The following ICA1L variants were observed in gnomAD, a reference collection of about 807,000 sequenced individuals.
ICA1L encodes the protein islet cell autoantigen 1 like.
In ICA1L, 50 loss-of-function variants were observed where a neutral mutation model predicts 61.3. The observed-to-expected ratio is 0.82, with a 90% CI of 0.65 to 1.03. The LOEUF is 1.03. Ranked by LOEUF, ICA1L falls within the 50% of genes least tolerant of loss-of-function variation. The probability of loss-of-function intolerance (pLI) is 0.00; values close to 1 mark genes in which losing one functional copy is unlikely to be tolerated. For missense variants in ICA1L, 508 were observed against 556.7 expected (o/e 0.91, Z 0.88); for synonymous variants, 161 against 191.3 (o/e 0.84, Z 1.31).
chr2:202,866,638 A>G (rs1687521847), intron 1 of ICA1L, among the ~76,000 whole-genome samples: 1 of 152,180 alleles, frequency 6.6e-6, no homozygotes. Context: ...ACAGACTTAA[A>G]TGTAAAATTT....
chr2:202,803,237 A>G (rs1398892206), intron 9 of ICA1L, among the ~76,000 whole-genome samples: 1 of 151,794 alleles, frequency 6.6e-6, no homozygotes, highest in Non-Finnish European at 1.5e-5. Context: ...GCCAGACCCC[A>G]TCACTACTAA....
chr2:202,793,494 TAAAAAAAAAAAAAAAAAAAA>T (rs755015399), intron 10 of ICA1L, among the ~76,000 whole-genome samples: 2 of 31,334 alleles, frequency 6.4e-5, no homozygotes, highest in African/African-American at 2.9e-4. Flanking sequence ...CCGTCTCTAC[TAAAAAAAAAAAAAAAAAAAA>T]AAAAAAAAAA....
At chr2:202,790,916 G>A (rs917163558) in intron 10 of ICA1L, among the ~76,000 whole-genome samples, 10 of 152,228 alleles carry the variant, frequency 6.6e-5, no homozygotes, top group African/African-American at 2.4e-4. Context: ...GGGAGTGAGG[G>A]AGAAGCCGAC....
chr2:202,801,335 T>G (rs1283555791), intron 9 of ICA1L, among the ~76,000 whole-genome samples: 3 of 152,244 alleles, frequency 2.0e-5, no homozygotes, highest in Non-Finnish European at 4.4e-5. Context: ...TGGTTTCATT[T>G]TATTTTAATG....
chr2:202,773,735 G>C lies in ICA1L; in HGVS notation c.*5798C>G. ...TCTAGTTGCATCAGTTATGCATGAA[G>C]AGTTTAATAACCATCCAGGTCCAAA... On this transcript the variant is annotated 3_prime_UTR_variant, in exon 13 of 13. Transcript: ENST00000358299. 3 of 1,244,520 alleles carry C rather than the reference G, an allele frequency of 2.4e-6. No homozygotes were observed. The highest frequency in any genetic ancestry group is 3.5e-6 in the Non-Finnish European group (3 of 848,818). 77.1% of individuals were successfully genotyped at this position (1,244,520 alleles called of 1,614,324 possible).
At position 202,778,690 on chromosome 2, in the gene ICA1L, G is replaced by C. The variant is rs1020191926; in HGVS notation, c.*843C>G. ...TATTCTCCCCTCATTTTATTTTCAGGAATAATATAAATACTGCATACTACT... is the reference window on the plus strand; with the variant it reads ...TATTCTCCCCTCATTTTATTTTCAGCAATAATATAAATACTGCATACTACT... On this transcript the variant is annotated 3_prime_UTR_variant, in exon 13 of 13. Coordinates refer to ENST00000358299, the MANE Select transcript of ICA1L (RefSeq NM_001288622.3). 5.9e-5 allele frequency: 9 copies of C among 152,584 alleles called. No individual in the cohort carries two copies. The East Asian group carries it at 7.7e-4, about 13-fold the overall frequency. The allele number at this position is 152,584 out of a possible 1,614,324, so 9.5% of individuals were successfully genotyped here.
At chr2:202,842,677 A>C (rs1169004142) in intron 1 of ICA1L, among the ~76,000 whole-genome samples, 1 of 152,146 alleles carries the variant, frequency 6.6e-6, no homozygotes, top group Non-Finnish European at 1.5e-5. Context: ...TCATACCTGG[A>C]TATTTATACC....
At chr2:202,854,027 A>G (rs1299514940) in intron 1 of ICA1L, among the ~76,000 whole-genome samples, 1 of 152,216 alleles carries the variant, frequency 6.6e-6, no homozygotes, top group Non-Finnish European at 1.5e-5. Flanking sequence ...GACAGGATCA[A>G]ATTTACACTT....
chr2:202,841,691 C>T (rs768961530), intron 1 of ICA1L: 36 of 536,446 alleles, frequency 6.7e-5, no homozygotes, highest in Non-Finnish European at 6.9e-5. Context: ...ACCGGGCCCA[C>T]GCGCATAGGA....
At chr2:202,826,748 ATT>A (rs747276403) in intron 2 of ICA1L, among the ~76,000 whole-genome samples, 9 of 141,438 alleles carry the variant, frequency 6.4e-5, no homozygotes, top group African/African-American at 2.6e-5. Context: ...GGGATTACAG[ATT>A]TTTTTTTTTT....
At chr2:202,783,573 A>G (rs1692479856) in intron 12 of ICA1L, among the ~76,000 whole-genome samples, 1 of 152,244 alleles carries the variant, frequency 6.6e-6, no homozygotes, top group Non-Finnish European at 1.5e-5. Context: ...TGTCAAGGTC[A>G]TGAGACACAA....
chr2:202,805,307 A>G (rs2105837903), intron 9 of ICA1L, among the ~76,000 whole-genome samples: 1 of 152,356 alleles, frequency 6.6e-6, no homozygotes, highest in African/African-American at 2.4e-5. Flanking sequence ...AATAAATTAA[A>G]AATCACTGAC....
intron 1 of ICA1L, among the ~76,000 whole-genome samples, chr2:202,869,055 A>G (rs1235995723): frequency 6.6e-6 from 1 of 151,482 alleles, no homozygotes; most frequent in Non-Finnish European, 1.5e-5. Context: ...ATCCAAATCA[A>G]TTTTTAAAAT....
intron 9 of ICA1L, among the ~76,000 whole-genome samples, chr2:202,809,992 G>A (rs922769286): frequency 6.6e-6 from 1 of 152,122 alleles, no homozygotes. Flanking sequence ...GTACAGGAAG[G>A]TTATAGAATA....
chr2:202,825,762 A>G lies in ICA1L; in HGVS notation c.168T>C (p.Phe56=). The stretch of plus-strand genomic sequence containing the variant: ...CAGTGCATGTCTCTTGAACAGAGTG[A>G]AAAACCTTGAGATATAAATTTTATT... ...DAELDAKLEV[F]HSVQETCTEL... Residue 56 remains phenylalanine, a synonymous_variant, in exon 3 of 13, where the codon TTT becomes TTC. Coordinates refer to ENST00000358299, the MANE Select transcript of ICA1L (RefSeq NM_001288622.3). 1 of 1,557,568 alleles carries G rather than the reference A, an allele frequency of 6.4e-7. No individual in the cohort carries two copies. Among genetic ancestry groups the G allele is most frequent in the Non-Finnish European group, 8.7e-7 (1 of 1,147,764 alleles).
At chr2:202,795,151 C>T (rs1692888181) in intron 10 of ICA1L, among the ~76,000 whole-genome samples, 1 of 149,352 alleles carries the variant, frequency 6.7e-6, no homozygotes, top group Non-Finnish European at 1.5e-5. Context: ...GCCACCATGC[C>T]CAGTTAATTT....
chr2:202,796,077 GA>G (rs35547863), intron 10 of ICA1L, among the ~76,000 whole-genome samples: 41,077 of 147,120 alleles, frequency 0.28, 6,175 homozygotes, highest in East Asian at 0.53. Context: ...GCCTTTGGGG[GA>G]AAAAAAAAAG....
In ICA1L at chr2:202,776,749, G is replaced by A. The variant is rs1692235143; in HGVS notation, c.*2784C>T. 6.6e-6 allele frequency: 1 copy of A among 152,170 alleles called. No homozygotes were observed. The highest frequency in any genetic ancestry group is 1.5e-5 in the Non-Finnish European group (1 of 68,042). 9.4% of individuals were successfully genotyped at this position (152,170 alleles called of 1,614,324 possible). A position where few individuals can be genotyped will look rare whatever the true frequency, so the allele number is the denominator to read the frequency against. On this transcript the variant is annotated 3_prime_UTR_variant, in exon 13 of 13. Transcript: ENST00000358299. ...TGCTAAGGAAGTTAATGTTGCTCTG[G>A]GTTAAATGGGAAACATATACTCTGT...
intron 1 of ICA1L, among the ~76,000 whole-genome samples, chr2:202,868,076 G>A (rs1415825516): frequency 1.3e-5 from 2 of 152,100 alleles, no homozygotes; most frequent in African/African-American, 4.8e-5. Context: ...TTTCAAACTA[G>A]AGAGAACTGG....
Sources: gnomAD v4.1 joint callset for allele counts (sites outside exome capture counted in the v4.1 genomes callset) on GRCh38, gnomAD v4.1.1 for gene constraint, MANE v1.5 for transcripts, NCBI Gene and HGNC (gene_info 2026-07-23, HGNC 2026-07-21) for gene names.